Variants in SLC36A1 observed in about 807,000 individuals in gnomAD.
SLC36A1 encodes the protein proton-coupled amino acid transporter 1.
A neutral mutation model predicts 47.5 loss-of-function variants in SLC36A1; 30 were observed. That is an observed-to-expected ratio of 0.63 (90% confidence interval 0.47 to 0.86). The LOEUF is 0.86. Ranked by LOEUF, SLC36A1 falls within the 40% of genes least tolerant of loss-of-function variation. SLC36A1 has a pLI of 0.00. For missense variants in SLC36A1, 517 were observed against 606.0 expected (o/e 0.85, Z 1.54); for synonymous variants, 255 against 249.7 (o/e 1.02, Z -0.20).
At chr5:151,476,793 A>T (rs766070787) in intron 9 of SLC36A1, 37 bp downstream of exon 9, 2 of 1,609,984 alleles carry the variant, frequency 1.2e-6, no homozygotes, top group South Asian at 2.2e-5. Context: ...GGAGCACTGG[A>T]TATTTTTAAA....
chr5:151,393,440 T>C, the SLC36A1 span, among the ~76,000 whole-genome samples: 1 of 152,334 alleles, frequency 6.6e-6, no homozygotes, highest in Admixed American at 6.5e-5. Context: ...TTTGATCCTG[T>C]CATTATGATG....
chr5:151,506,726 GAGA>G, the SLC36A1 span, among the ~76,000 whole-genome samples: 1 of 152,228 alleles, frequency 6.6e-6, no homozygotes, highest in Non-Finnish European at 1.5e-5. Context: ...AGCCAAAGAT[GAGA>G]AGAAGGTGAT....
chr5:151,479,674 T>C (rs967366044), intron 10 of SLC36A1, 185 bp downstream of exon 10: 4 of 610,938 alleles, frequency 6.5e-6, no homozygotes, highest in Non-Finnish European at 1.1e-5. Context: ...TAATTACATA[T>C]GTACTGTAAA....
the SLC36A1 span, among the ~76,000 whole-genome samples, chr5:151,522,833 G>T: frequency 6.6e-6 from 1 of 152,172 alleles, no homozygotes; most frequent in South Asian, 2.1e-4. Context: ...GAGCAAGTGG[G>T]CAGGGAAGCA....
At chr5:151,399,085 T>TATATATA in the SLC36A1 span, among the ~76,000 whole-genome samples, 807 of 59,282 alleles carry the variant, frequency 0.014, 2 homozygotes, top group African/African-American at 0.042. Context: ...TATATATATA[T>TATATATA]TTTTTTTTTT....
rs141094219 is a variant in SLC36A1 at position 151,476,643 on chromosome 5, G to A, written c.876G>A (p.Leu292=). 47 of 1,611,962 alleles carry A rather than the reference G, an allele frequency of 2.9e-5. No homozygotes were observed. Among genetic ancestry groups the A allele is most frequent in the East Asian group, 1.8e-4 (8 of 44,874 alleles). ...MKDPRKFPLI[L]YLGMVIVTIL... ...ATCCTCGGAAGTTCCCACTCATCCT[G>A]TACCTGGGCATGGTCATCGTCACCA... Residue 292 remains leucine (L), a synonymous_variant, in exon 9 of 11, where the codon CTG becomes CTA. Coordinates refer to ENST00000243389, the MANE Select transcript of SLC36A1 (RefSeq NM_078483.4).
chr5:151,363,383 T>C, the SLC36A1 span, among the ~76,000 whole-genome samples: 1 of 152,184 alleles, frequency 6.6e-6, no homozygotes, highest in East Asian at 1.9e-4. Context: ...GCCATGAATA[T>C]GGAAATCTGA....
chr5:151,411,933 C>T, the SLC36A1 span, among the ~76,000 whole-genome samples: 1 of 144,762 alleles, frequency 6.9e-6, no homozygotes, highest in Non-Finnish European at 1.5e-5. Flanking sequence ...CATGAACATC[C>T]ACCCCAAATA....
the SLC36A1 span, among the ~76,000 whole-genome samples, chr5:151,531,363 G>T: frequency 0.14 from 21,904 of 152,152 alleles, 2,044 homozygotes; most frequent in Non-Finnish European, 0.2. This position sits in a 1 kb window ranked among gnomAD's most constrained non-coding sequence, Gnocchi z 5.7. Flanking sequence ...ACCTGGCTGC[G>T]GACGTGGGAG....
the SLC36A1 span, among the ~76,000 whole-genome samples, chr5:151,533,766 A>G: frequency 2.6e-5 from 4 of 152,032 alleles, no homozygotes; most frequent in African/African-American, 7.2e-5. Flanking sequence ...TGATATATAT[A>G]TATCACATTA....
intron 10 of SLC36A1, among the ~76,000 whole-genome samples, chr5:151,482,483 A>C (rs1758929692): frequency 6.6e-6 from 1 of 152,272 alleles, no homozygotes; most frequent in Non-Finnish European, 1.5e-5. Context: ...TAAAAGAAGA[A>C]ATTCCAGTAT....
At chr5:151,534,744 T>C in the SLC36A1 span, 1 of 984,680 alleles carries the variant, frequency 1.0e-6, no homozygotes, top group Non-Finnish European at 1.5e-6. Context: ...CACACAGAGT[T>C]TTGTTCACAG....
Position 151,458,809 on chromosome 5 carries a change from T to G in SLC36A1, c.17T>G (p.Leu6Arg). 2 of 1,613,940 alleles carry G rather than the reference T, an allele frequency of 1.2e-6. No homozygotes were observed. The highest frequency in any genetic ancestry group is 1.7e-6 in the Non-Finnish European group (2 of 1,179,926). The change falls in exon 2 of 11, where the codon CTT (leucine) becomes CGT (arginine). Residue 6 changes from leucine (L) to arginine (R), a missense_variant. Physicochemically the swap from Leu to Arg is moderately radical, Grantham distance 102 (BLOSUM62 -2). Transcript: ENST00000243389. The stretch of plus-strand genomic sequence containing the variant: ...CCAGCTGCCATGTCCACGCAGAGAC[T>G]TCGGAATGAAGACTACCACGACTAC... MSTQR[L>R]RNEDYHDYSS...
chr5:151,382,964 G>T, the SLC36A1 span, among the ~76,000 whole-genome samples: 2 of 152,138 alleles, frequency 1.3e-5, no homozygotes, highest in South Asian at 4.1e-4. Flanking sequence ...TCTGAAAACA[G>T]CATTAAAGCC....
the SLC36A1 span, among the ~76,000 whole-genome samples, chr5:151,391,840 C>T: frequency 3.3e-5 from 5 of 152,166 alleles, no homozygotes; most frequent in Non-Finnish European, 7.3e-5. Context: ...CAATGTTCAT[C>T]AGGGATATTG....
At chr5:151,463,505 A>G (rs1278177770) in intron 2 of SLC36A1, 48 bp from the exon 3 acceptor site, 1 of 1,366,334 alleles carries the variant, frequency 7.3e-7, no homozygotes, top group Non-Finnish European at 1.0e-6. Flanking sequence ...GATCCTAATA[A>G]AAGTTAACTG....
At chr5:151,474,864 C>T (rs1306729247) in intron 8 of SLC36A1, among the ~76,000 whole-genome samples, 2 of 152,246 alleles carry the variant, frequency 1.3e-5, no homozygotes, top group African/African-American at 4.8e-5. Context: ...CCTCCCGGCA[C>T]GGCACTTCTT....
At chr5:151,361,372 CG>C in the SLC36A1 span, among the ~76,000 whole-genome samples, 1 of 152,144 alleles carries the variant, frequency 6.6e-6, no homozygotes, top group Non-Finnish European at 1.5e-5. Flanking sequence ...ACAAACAACT[CG>C]AAACATCTTA....
chr5:151,527,245 T>C, the SLC36A1 span: 1 of 1,610,354 alleles, frequency 6.2e-7, no homozygotes, highest in Non-Finnish European at 8.5e-7. Context: ...TGGACAGTGG[T>C]GCTGTAGTTG....
Sources: gnomAD v4.1 joint callset for allele counts (sites outside exome capture counted in the v4.1 genomes callset) on GRCh38, gnomAD v4.1.1 for gene constraint, Gnocchi (gnomAD v3.1) non-coding constraint, MANE v1.5 for transcripts, NCBI Gene and HGNC (gene_info 2026-07-23, HGNC 2026-07-21) for gene names.